Variants in ZDHHC21 observed in about 807,000 individuals in gnomAD.
ZDHHC21 encodes zDHHC palmitoyltransferase 21.
A neutral mutation model predicts 34.6 loss-of-function variants in ZDHHC21; 15 were observed. The ratio of observed to expected loss-of-function variants is 0.43; its 90% CI spans 0.29 to 0.67. ZDHHC21 has a LOEUF of 0.67. Ranked by LOEUF, ZDHHC21 falls within the 30% of genes least tolerant of loss-of-function variation. The pLI is 0.14. For synonymous variants in ZDHHC21, 142 were observed against 101.8 expected (o/e 1.40, Z -2.38); for missense variants, 344 against 327.7 (o/e 1.05, Z -0.38).
chr9:14,655,592 T>C (rs1832063976), intron 7 of ZDHHC21, among the ~76,000 whole-genome samples: 1 of 151,894 alleles, frequency 6.6e-6, no homozygotes, highest in Non-Finnish European at 1.5e-5. Flanking sequence ...CTGCTTTCAT[T>C]AGGTGCACAA....
intron 5 of ZDHHC21, among the ~76,000 whole-genome samples, chr9:14,669,981 G>C (rs1171594936): frequency 6.7e-6 from 1 of 150,338 alleles, no homozygotes; most frequent in African/African-American, 2.5e-5. Context: ...ATGTGCACAT[G>C]TACCCTAAAA....
chr9:14,693,220 C>T lies in ZDHHC21; in HGVS notation c.-225+9G>A, dbSNP rs1429524373. The T allele has an allele frequency of 1.0e-5, 4 of 394,330 alleles. No homozygotes were observed. The highest frequency in any genetic ancestry group is 2.0e-5 in the Non-Finnish European group (4 of 201,414). The allele number at this position is 394,330 out of a possible 1,614,324, so 24.4% of individuals were successfully genotyped here. A position where few individuals can be genotyped will look rare whatever the true frequency, so the allele number is the denominator to read the frequency against. On this transcript the variant is annotated intron_variant, in intron 1 of 9. Transcript: ENST00000380916. Reference sequence around the variant, plus strand: ...GGCGGCCGCTTCGCCCCCGCGCCTGCACACTCACCGTCGCCGCTGGCTCGC... The same window carrying T: ...GGCGGCCGCTTCGCCCCCGCGCCTGTACACTCACCGTCGCCGCTGGCTCGC...
chr9:14,685,569 G>C (rs558589653), intron 2 of ZDHHC21, among the ~76,000 whole-genome samples: 194 of 152,314 alleles, frequency 1.3e-3, no homozygotes, highest in African/African-American at 4.5e-3. Context: ...TGCTGGAGAG[G>C]ATATGAAGAA....
At chr9:14,674,470 CAT>C (rs1835997574) in intron 3 of ZDHHC21, 85 bp from the exon 4 acceptor site, 1 of 758,620 alleles carries the variant, frequency 1.3e-6, no homozygotes, top group Non-Finnish European at 2.0e-6. Flanking sequence ...TATAAAATGA[CAT>C]TGAGTTTTCT....
At chr9:14,655,842 A>T (rs1193285873) in intron 7 of ZDHHC21, among the ~76,000 whole-genome samples, 1 of 125,854 alleles carries the variant, frequency 7.9e-6, no homozygotes, top group Non-Finnish European at 1.7e-5. Flanking sequence ...TATTTACTAA[A>T]TGTTTCATAT....
the ZDHHC21 span, among the ~76,000 whole-genome samples, chr9:14,599,021 C>T: frequency 7.2e-5 from 11 of 152,108 alleles, no homozygotes; most frequent in African/African-American, 2.4e-4. Context: ...CCTTGGCCTC[C>T]CAAAGTGCTA....
chr9:14,626,993 G>A (rs1327672191), intron 8 of ZDHHC21, among the ~76,000 whole-genome samples: 1 of 151,998 alleles, frequency 6.6e-6, no homozygotes, highest in East Asian at 1.9e-4. Context: ...TATGTGAGCT[G>A]GGGTCAGCAT....
At chr9:14,664,758 G>C (rs1000820609) in intron 5 of ZDHHC21, among the ~76,000 whole-genome samples, 4 of 151,786 alleles carry the variant, frequency 2.6e-5, no homozygotes, top group African/African-American at 9.7e-5. Context: ...CACACAGCAG[G>C]GTATTCCAAC....
chr9:14,597,027 T>C, the ZDHHC21 span, among the ~76,000 whole-genome samples: 2 of 152,096 alleles, frequency 1.3e-5, no homozygotes, highest in Admixed American at 6.5e-5. Context: ...CACTTTTCCA[T>C]TGTGAACTCC....
chr9:14,590,716 A>C, the ZDHHC21 span, among the ~76,000 whole-genome samples: 1 of 152,196 alleles, frequency 6.6e-6, no homozygotes, highest in Non-Finnish European at 1.5e-5. Flanking sequence ...CAAATTTATC[A>C]TCAGCAAGCC....
chr9:14,633,598 T>C (rs1052294579), intron 8 of ZDHHC21, among the ~76,000 whole-genome samples: 1 of 152,062 alleles, frequency 6.6e-6, no homozygotes, highest in African/African-American at 2.4e-5. Context: ...AGCCCCTGCA[T>C]CTCCACATTT....
At chr9:14,653,809 A>G (rs1010747121) in intron 7 of ZDHHC21, among the ~76,000 whole-genome samples, 1 of 152,046 alleles carries the variant, frequency 6.6e-6, no homozygotes, top group Non-Finnish European at 1.5e-5. Context: ...TTTAAACAAA[A>G]TGCTATTGCC....
chr9:14,662,192 T>C (rs745588353), intron 6 of ZDHHC21, 23 bp downstream of exon 6: 63 of 1,548,148 alleles, frequency 4.1e-5, no homozygotes, highest in Non-Finnish European at 5.4e-5. Context: ...CTCTTTTCTT[T>C]GCTAGAAGTG....
chr9:14,612,992 G>A lies in ZDHHC21; in HGVS notation c.*5974C>T, dbSNP rs1715754494. The stretch of plus-strand genomic sequence containing the variant: ...ATATAGTTCATTTATATAAATTAGA[G>A]TTCTTACCTTTTTATTCATTGTTGC... On this transcript the variant is annotated 3_prime_UTR_variant, in exon 10 of 10. Coordinates refer to ENST00000380916, the MANE Select transcript of ZDHHC21 (RefSeq NM_178566.6). 6.6e-6 allele frequency: 1 copy of A among 151,680 alleles called. No individual in the cohort carries two copies. The highest frequency in any genetic ancestry group is 2.1e-4 in the South Asian group (1 of 4,832). 9.4% of individuals were successfully genotyped at this position (151,680 alleles called of 1,614,324 possible).
intron 8 of ZDHHC21, among the ~76,000 whole-genome samples, chr9:14,631,053 T>C (rs774448987): frequency 3.1e-4 from 47 of 152,210 alleles, no homozygotes; most frequent in Non-Finnish European, 5.4e-4. Context: ...GTCTGTCCTG[T>C]ACCTTGAAGC....
At chr9:14,604,206 A>T in the ZDHHC21 span, among the ~76,000 whole-genome samples, 10 of 152,332 alleles carry the variant, frequency 6.6e-5, no homozygotes, top group African/African-American at 2.2e-4. Context: ...AAGCTTTTAC[A>T]GTTGAAGATG....
Position 14,652,832 on chromosome 9 carries a change from T to C in ZDHHC21, c.504+5917A>G, listed in dbSNP as rs1189639328. On this transcript the variant is annotated intron_variant, in intron 7 of 9. Transcript: ENST00000380916. ...GTTGTTGTTTAATGAATAAACACTTTCGCCTTAAAAAACAAGAAAAGAAAA... is the reference window on the plus strand; with the variant it reads ...GTTGTTGTTTAATGAATAAACACTTCCGCCTTAAAAAACAAGAAAAGAAAA... Among the ~76,000 whole-genome samples the C allele has an allele frequency of 3.3e-5, 5 of 152,104 alleles. No individual in the cohort carries two copies. In the East Asian group the frequency reaches 7.7e-4, roughly 23 times the overall value.
intron 3 of ZDHHC21, among the ~76,000 whole-genome samples, chr9:14,679,097 C>T (rs892522521): frequency 3.3e-5 from 5 of 152,018 alleles, no homozygotes; most frequent in Non-Finnish European, 7.4e-5. Flanking sequence ...TATCAAAACT[C>T]AGCATATGTA....
the ZDHHC21 span, chr9:14,588,978 T>A: frequency 6.6e-6 from 1 of 152,106 alleles, no homozygotes. Flanking sequence ...AAATTTATCC[T>A]ATAGTAGTCC....
Sources: gnomAD v4.1 joint callset for allele counts (sites outside exome capture counted in the v4.1 genomes callset) on GRCh38, gnomAD v4.1.1 for gene constraint, MANE v1.5 for transcripts, NCBI Gene and HGNC (gene_info 2026-07-23, HGNC 2026-07-21) for gene names.